CCDC149: variants seen among roughly 807,000 people sequenced by gnomAD.
The protein encoded by CCDC149 is coiled-coil domain-containing protein 149.
Under a neutral mutation model 59.9 loss-of-function variants are expected in CCDC149, and 45 were observed. That is an observed-to-expected ratio of 0.75 (90% confidence interval 0.59 to 0.96). The LOEUF (loss-of-function observed/expected upper bound fraction) is 0.96, where lower values mean the gene tolerates loss of function less well. CCDC149 is among the 40% of genes least tolerant of loss of function. The pLI, the probability that CCDC149 is intolerant of heterozygous loss-of-function variation, is 0.00. For synonymous variants in CCDC149, 245 were observed against 260.6 expected, an observed-to-expected ratio of 0.94 and a Z score of 0.58; for missense variants, 584 against 664.7, an observed-to-expected ratio of 0.88 and a Z score of 1.33.
At chr4:24,840,944 T>C (rs1716898480) in intron 4 of CCDC149, among the ~76,000 whole-genome samples, 1 of 152,206 alleles carries the variant, frequency 6.6e-6, no homozygotes, top group African/African-American at 2.4e-5. Flanking sequence ...CTAGGAGCAA[T>C]GGTTCAGTAT....
At chr4:24,917,510 AG>A (rs1329956476), upstream of CCDC149, among the ~76,000 whole-genome samples, 6 of 152,062 alleles carry the variant, frequency 3.9e-5, no homozygotes, top group African/African-American at 1.4e-4. Context: ...TGGCTGTTGG[AG>A]GGGTTCCCAG....
intron 7 of CCDC149, among the ~76,000 whole-genome samples, chr4:24,835,694 CT>C (rs1238319439): frequency 6.6e-6 from 1 of 152,164 alleles, no homozygotes; most frequent in Admixed American, 6.5e-5. Flanking sequence ...TAATGTGTGG[CT>C]CCCACAAAAT....
Position 24,835,063 on chromosome 4 carries a change from C to T in CCDC149, c.736-31G>A, listed in dbSNP as rs142049563. ...ACAGGATTGGGAGAGAATAAAAACCCGTCAGAAAAGCCAACAATGGAAAAG... is the reference window on the plus strand; with the variant it reads ...ACAGGATTGGGAGAGAATAAAAACCTGTCAGAAAAGCCAACAATGGAAAAG... On this transcript the variant is annotated intron_variant, in intron 7 of 12. Transcript: ENST00000635206. The T allele has an allele frequency of 2.0e-3, 3,153 of 1,552,002 alleles. 3 individuals are homozygous for T. Among genetic ancestry groups the T allele is most frequent in the Non-Finnish European group, 2.7e-3 (2,988 of 1,125,762 alleles).
intron 4 of CCDC149, among the ~76,000 whole-genome samples, chr4:24,849,929 T>G (rs1394082198): frequency 6.6e-6 from 1 of 152,202 alleles, no homozygotes; most frequent in Non-Finnish European, 1.5e-5. Flanking sequence ...AGGACACTTA[T>G]CCCTTGTCCC....
At chr4:24,969,753 G>A (rs547604952) in intron 1 of CCDC149, among the ~76,000 whole-genome samples, 2 of 152,186 alleles carry the variant, frequency 1.3e-5, no homozygotes, top group Non-Finnish European at 2.9e-5. Flanking sequence ...ACCTGCTGGT[G>A]GCTGCTCCAG....
At chr4:24,873,816 T>TGGGGCCCC in intron 2 of CCDC149, 97 bp from the exon 3 acceptor site, 1 of 762,724 alleles carries the variant, frequency 1.3e-6, no homozygotes, top group Non-Finnish European at 2.2e-6. Context: ...ATGTAGACTC[T>TGGGGCCCC]CCCCACCCTC....
At chr4:24,848,930 A>G (rs1238143072) in intron 4 of CCDC149, among the ~76,000 whole-genome samples, 1 of 152,184 alleles carries the variant, frequency 6.6e-6, no homozygotes, top group African/African-American at 2.4e-5. Context: ...ATTGATGGCA[A>G]CCGAGAGCTG....
chr4:24,914,047 C>A (rs1021211624), upstream of CCDC149, among the ~76,000 whole-genome samples: 2 of 152,142 alleles, frequency 1.3e-5, no homozygotes, highest in African/African-American at 4.8e-5. Flanking sequence ...GTGGAAGCAT[C>A]ATTACCAACA....
intron 3 of CCDC149, among the ~76,000 whole-genome samples, chr4:24,856,131 G>C (rs1288404884): frequency 7.0e-6 from 1 of 142,818 alleles, no homozygotes; most frequent in African/African-American, 2.6e-5. Context: ...AACGCTCAGT[G>C]AACAGAGCTG....
chr4:24,873,737 C>T lies in CCDC149; in HGVS notation c.226-18G>A, dbSNP rs775332514. The T allele has an allele frequency of 3.1e-6, 5 of 1,594,108 alleles. No individual in the cohort carries two copies. The highest frequency in any genetic ancestry group is 4.5e-5 in the East Asian group (2 of 44,766). The stretch of plus-strand genomic sequence containing the variant: ...TCTCCATCCTACAAAGAAACAAATG[C>T]TGCATTTTACTCTTTTAGAAAAATA... On this transcript the variant is annotated intron_variant, in intron 2 of 12. Transcript: ENST00000635206.
intron 4 of CCDC149, among the ~76,000 whole-genome samples, 163 bp from the exon 5 acceptor site, chr4:24,838,435 T>C (rs1479871210): frequency 2.0e-5 from 3 of 152,126 alleles, no homozygotes; most frequent in Admixed American, 2.0e-4. Flanking sequence ...TTTTAAAAAA[T>C]TAAAAATATA....
chr4:24,851,989 T>G (rs1275153550), intron 4 of CCDC149, among the ~76,000 whole-genome samples: 1 of 151,760 alleles, frequency 6.6e-6, no homozygotes, highest in Non-Finnish European at 1.5e-5. Flanking sequence ...TAAAAAAATT[T>G]AAGGCCAGTT....
At chr4:24,843,902 C>T (rs1717095598) in intron 4 of CCDC149, among the ~76,000 whole-genome samples, 2 of 152,172 alleles carry the variant, frequency 1.3e-5, no homozygotes, top group Non-Finnish European at 2.9e-5. Flanking sequence ...TATGTCTGTG[C>T]TCCAGCCATG....
chr4:24,804,491 A>G (rs1008355218), downstream of CCDC149, among the ~76,000 whole-genome samples: 2 of 151,142 alleles, frequency 1.3e-5, no homozygotes, highest in Non-Finnish European at 3.0e-5. Context: ...ACTCTCAAAA[A>G]AAAAAAAAAA....
At chr4:24,905,715 C>T (rs550637026) in intron 1 of CCDC149, among the ~76,000 whole-genome samples, 2 of 152,182 alleles carry the variant, frequency 1.3e-5, no homozygotes, top group African/African-American at 2.4e-5. Flanking sequence ...GCATTACAGG[C>T]GTGAGCCATG....
chr4:24,868,455 G>A (rs554111927), intron 3 of CCDC149, among the ~76,000 whole-genome samples: 24 of 152,238 alleles, frequency 1.6e-4, no homozygotes, highest in Admixed American at 1.3e-3. Flanking sequence ...CCATTAATAA[G>A]TCAGAATTCC....
intron 1 of CCDC149, among the ~76,000 whole-genome samples, chr4:24,882,399 A>T (rs1005635476): frequency 6.6e-6 from 1 of 152,228 alleles, no homozygotes; most frequent in African/African-American, 2.4e-5. Flanking sequence ...TGGCCTCATT[A>T]TTCAGTCAAA....
chr4:24,962,854 G>A (rs1035020050), intron 1 of CCDC149, among the ~76,000 whole-genome samples: 7 of 150,248 alleles, frequency 4.7e-5, no homozygotes, highest in African/African-American at 1.7e-4. Flanking sequence ...TGCATGTTGT[G>A]TACATGTACC....
intron 1 of CCDC149, among the ~76,000 whole-genome samples, chr4:24,921,713 C>T (rs1158712980): frequency 6.6e-6 from 1 of 152,204 alleles, no homozygotes; most frequent in African/African-American, 2.4e-5. Flanking sequence ...TGTTGAATAT[C>T]TGGAATCCTA....
Sources: gnomAD v4.1 joint callset for allele counts (sites outside exome capture counted in the v4.1 genomes callset) on GRCh38, gnomAD v4.1.1 for gene constraint, MANE v1.5 for transcripts, NCBI Gene and HGNC (gene_info 2026-07-23, HGNC 2026-07-21) for gene names.